The following MSH3 variants were observed in gnomAD, a reference collection of about 807,000 sequenced individuals.
MSH3 encodes the protein mutS homolog 3.
In MSH3, 106 loss-of-function variants were observed where a neutral mutation model predicts 123.3. That is an observed-to-expected ratio of 0.86 (90% CI 0.73 to 1.01). MSH3 has a LOEUF of 1.01. Ranked by LOEUF, MSH3 falls within the 50% of genes least tolerant of loss-of-function variation. MSH3 has a pLI of 0.00. For missense variants in MSH3, 1,459 were observed against 1,347.6 expected, an observed-to-expected ratio of 1.08 and a Z score of -1.29; for synonymous variants, 515 against 481.4, an observed-to-expected ratio of 1.07 and a Z score of -0.91.
intron 20 of MSH3, among the ~76,000 whole-genome samples, chr5:80,848,148 G>C (rs1745757687): frequency 6.6e-6 from 1 of 152,226 alleles, no homozygotes; most frequent in South Asian, 2.1e-4. Context: ...AGGATCATCT[G>C]AGCACAGGAA....
chr5:80,829,053 C>A (rs111733753), intron 20 of MSH3, among the ~76,000 whole-genome samples: 3 of 152,186 alleles, frequency 2.0e-5, no homozygotes, highest in African/African-American at 7.2e-5. Context: ...TGGCTCTGAC[C>A]CCACATTTTT....
rs1165970753 is a variant in MSH3, at chr5:80,778,940, C to T, written c.2435+104C>T. On this transcript the variant is annotated intron_variant, in intron 17 of 23. Coordinates refer to ENST00000265081, the MANE Select transcript of MSH3 (RefSeq NM_002439.5). ...AATAGAGATTACAGCTCATGACCCA[C>T]CATAAAATAGTTGAGTACATGTGTT... 4.1e-6 allele frequency: 3 copies of T among 735,582 alleles called. No individual in the cohort carries two copies. The South Asian group carries it at 4.6e-5, about 11-fold the overall frequency. 45.6% of individuals were successfully genotyped at this position (735,582 alleles called of 1,614,324 possible). A position where few individuals can be genotyped will look rare whatever the true frequency, so the allele number is the denominator to read the frequency against.
chr5:80,848,363 A>G (rs1745761908), intron 20 of MSH3, among the ~76,000 whole-genome samples: 1 of 152,234 alleles, frequency 6.6e-6, no homozygotes. Context: ...ATTTCTTCAT[A>G]GACTTTTCTT....
intron 19 of MSH3, among the ~76,000 whole-genome samples, chr5:80,793,112 A>G (rs978809378): frequency 5.3e-5 from 8 of 152,346 alleles, no homozygotes; most frequent in Non-Finnish European, 8.8e-5. Flanking sequence ...TAAATACCCA[A>G]TATGCAAATA....
chr5:80,871,583 T>G (rs1314805576), intron 22 of MSH3, among the ~76,000 whole-genome samples: 1 of 152,130 alleles, frequency 6.6e-6, no homozygotes, highest in Non-Finnish European at 1.5e-5. Flanking sequence ...TGGCATGCCT[T>G]AGGCTCTCAC....
chr5:80,725,320 C>G (rs1055390690), intron 8 of MSH3, 133 bp from the exon 9 acceptor site: 3 of 635,582 alleles, frequency 4.7e-6, no homozygotes, highest in Non-Finnish European at 8.3e-6. Flanking sequence ...TTCTTTCTCT[C>G]TCTTTCTTCA....
chr5:80,820,062 G>A (rs1431810937), intron 20 of MSH3, among the ~76,000 whole-genome samples: 1 of 152,184 alleles, frequency 6.6e-6, no homozygotes, highest in African/African-American at 2.4e-5. Flanking sequence ...CTTCATTCAT[G>A]TTTTTCCTGT....
intron 20 of MSH3, among the ~76,000 whole-genome samples, chr5:80,832,480 G>A (rs981252966): frequency 2.0e-5 from 3 of 151,954 alleles, no homozygotes; most frequent in Admixed American, 1.3e-4. Flanking sequence ...CTTATACAGG[G>A]TGGTGGTGCA....
At position 80,694,673 on chromosome 5, in the gene MSH3, TGTTA is replaced by T. The variant is rs375864768; in HGVS notation, c.1340+15584_1340+15587del. On this transcript the variant is annotated intron_variant, in intron 8 of 23. Transcript: ENST00000265081. ...GAGTAGCTCTGCTTGTGTCAGAGTC[TGTTA>T]GTTTTTCATCATCTGAGAATGCCTT... is the stretch of plus-strand genomic sequence containing the variant. 1.2e-3 allele frequency among the ~76,000 whole-genome samples: 187 copies of T among 152,212 alleles called. 6 individuals are homozygous for T. In the South Asian group the frequency reaches 0.038, roughly 31 times the overall value.
intron 20 of MSH3, among the ~76,000 whole-genome samples, chr5:80,831,973 G>T (rs184410853): frequency 3.0e-4 from 44 of 147,920 alleles, no homozygotes; most frequent in African/African-American, 9.7e-4. Flanking sequence ...GCCGGGTGTG[G>T]TGGCGGGGCG....
chr5:80,842,390 T>C lies in MSH3; in HGVS notation c.2814-11740T>C, dbSNP rs1434363766. Among the ~76,000 whole-genome samples, 20 of 152,212 alleles carry C rather than the reference T, an allele frequency of 1.3e-4. 1 individual carries two copies. Among genetic ancestry groups the C allele is most frequent in the Admixed American group, 1.3e-3 (20 of 15,286 alleles). ...TTAGGATTGTCTTGGCAATGCAGGC[T>C]CTTTTTTGGTTCCATATGAAGTTTA... On this transcript the variant is annotated intron_variant, in intron 20 of 23. Coordinates refer to ENST00000265081, the MANE Select transcript of MSH3 (RefSeq NM_002439.5).
At chr5:80,757,972 T>A (rs1389616296) in intron 12 of MSH3, among the ~76,000 whole-genome samples, 1 of 152,192 alleles carries the variant, frequency 6.6e-6, no homozygotes, top group Non-Finnish European at 1.5e-5. Context: ...ACCGCAGTGA[T>A]GAGAAATTTG....
chr5:80,750,133 A>C (rs1197859741), intron 12 of MSH3, among the ~76,000 whole-genome samples: 2 of 137,012 alleles, frequency 1.5e-5, no homozygotes, highest in Non-Finnish European at 3.1e-5. Flanking sequence ...AAATCTATTC[A>C]TCTATTGGTG....
chr5:80,782,857 T>C (rs1367433661), intron 17 of MSH3, among the ~76,000 whole-genome samples: 2 of 152,174 alleles, frequency 1.3e-5, no homozygotes, highest in African/African-American at 4.8e-5. Flanking sequence ...CAAATGTATT[T>C]GTCACTTACT....
chr5:80,729,460 G>GTGTGTGTATA (rs1277559108), intron 10 of MSH3, among the ~76,000 whole-genome samples: 91 of 95,022 alleles, frequency 9.6e-4, no homozygotes, highest in African/African-American at 3.4e-3. Context: ...GTGTGTGTGT[G>GTGTGTGTATA]TATATATATA....
intron 16 of MSH3, among the ~76,000 whole-genome samples, chr5:80,777,115 G>C (rs1007513044): frequency 3.4e-4 from 51 of 151,626 alleles, no homozygotes; most frequent in African/African-American, 1.2e-3. Flanking sequence ...TATTTTAGTA[G>C]AGATGGCGTT....
rs1347928833 is a variant in MSH3 at position 80,778,708 on chromosome 5, C to T, written c.2319-12C>T. ...CCTTGATTTCCTATTTGTGTTCTTT[C>T]CCCTCTTCTAGCACAAAAGCTGTGA... On this transcript the variant is annotated splice_polypyrimidine_tract_variant and intron_variant, in intron 16 of 23. Transcript: ENST00000265081. 1 of 1,474,140 alleles carries T rather than the reference C, an allele frequency of 6.8e-7. No homozygotes were observed. The highest frequency in any genetic ancestry group is 9.5e-7 in the Non-Finnish European group (1 of 1,052,236). 91.3% of individuals were successfully genotyped at this position (1,474,140 alleles called of 1,614,324 possible). A position where few individuals can be genotyped will look rare whatever the true frequency, so the allele number is the denominator to read the frequency against.
chr5:80,850,265 C>T (rs371076769), intron 20 of MSH3, among the ~76,000 whole-genome samples: 1 of 152,320 alleles, frequency 6.6e-6, no homozygotes. Flanking sequence ...GACTTTCTCA[C>T]ATTTTCCTGT....
At chr5:80,770,115 A>C (rs894437169) in intron 15 of MSH3, among the ~76,000 whole-genome samples, 1 of 152,184 alleles carries the variant, frequency 6.6e-6, no homozygotes, top group Non-Finnish European at 1.5e-5. Flanking sequence ...ATTTAATTGT[A>C]ACTCTTGTTT....
Sources: allele counts gnomAD v4.1 joint callset (sites outside exome capture counted in the v4.1 genomes callset), GRCh38; gene constraint gnomAD v4.1.1; transcripts MANE v1.5; gene names NCBI Gene and HGNC (gene_info 2026-07-23, HGNC 2026-07-21).